Variants in EDF1 observed in about 807,000 individuals in gnomAD.
The protein encoded by EDF1 is endothelial differentiation-related factor 1.
In EDF1, 5 loss-of-function variants were observed where a neutral mutation model predicts 20.8. That is an observed-to-expected ratio of 0.24 (90% CI 0.13 to 0.51). EDF1 has a LOEUF of 0.51. EDF1 is among the 20% of genes least tolerant of loss of function. The pLI, the probability that EDF1 is intolerant of heterozygous loss-of-function variation, is 0.97. For missense variants in EDF1, 137 were observed against 197.8 expected (o/e 0.69, Z 1.84); for synonymous variants, 96 against 78.5 (o/e 1.22, Z -1.18).
chr9:136,863,112 C>G lies in EDF1; in HGVS notation c.292-113G>C, dbSNP rs1849140995. ...CTAGGGCCCCTGGGGTACGCACCCA[C>G]ACGCAGCTGGGTTTTGTGCGAGAGG... On this transcript the variant is annotated intron_variant, in intron 3 of 4. Coordinates refer to ENST00000224073, the MANE Select transcript of EDF1 (RefSeq NM_003792.4). This position sits in a 1 kb window ranked among gnomAD's most constrained non-coding sequence, Gnocchi z 4.5. The G allele has an allele frequency of 1.3e-6, 2 of 1,523,810 alleles. No individual in the cohort carries two copies. Among genetic ancestry groups the G allele is most frequent in the African/African-American group, 2.7e-5 (2 of 73,052 alleles). The allele number at this position is 1,523,810 out of a possible 1,614,324, so 94.4% of individuals were successfully genotyped here. A position where few individuals can be genotyped will look rare whatever the true frequency, so the allele number is the denominator to read the frequency against.
At chr9:136,864,272 AT>A (rs530718830) in intron 1 of EDF1, among the ~76,000 whole-genome samples, 2,392 of 134,842 alleles carry the variant, frequency 0.018, 29 homozygotes, top group African/African-American at 0.04. Context: ...CACACTAGGG[AT>A]TTTTTTTTTT....
In EDF1 at chr9:136,866,272, G is replaced by T. The variant is rs370306947; in HGVS notation, c.-14C>A. The T allele has an allele frequency of 5.6e-6, 9 of 1,593,426 alleles. 1 individual carries two copies. In the South Asian group the frequency reaches 7.9e-5, roughly 14 times the overall value. ...GCTCTCGGCCATGGCGGGCGAAGAC[G>T]AGCGTCCGTCCGGCGGCTCAGCGGC... On this transcript the variant is annotated 5_prime_UTR_variant, in exon 1 of 5. Transcript: ENST00000224073.
In EDF1 at chr9:136,862,464, C is replaced by T. The variant is rs758460468; in HGVS notation, c.386-119G>A. The T allele has an allele frequency of 6.2e-7, 1 of 1,613,292 alleles. No homozygotes were observed. Among genetic ancestry groups the T allele is most frequent in the East Asian group, 2.2e-5 (1 of 44,872 alleles). On this transcript the variant is annotated intron_variant, in intron 4 of 4. Coordinates refer to ENST00000224073, the MANE Select transcript of EDF1 (RefSeq NM_003792.4). The surrounding 1 kb of genome is among the most constrained non-coding windows in gnomAD (Gnocchi z 4.1). ...CACGCCGCTCCCGTGCCTCACTGGG[C>T]TCTCAGCACACGAGCACTCCTGGTT...
In EDF1 at chr9:136,863,235, T is replaced by A. The variant is rs1209851812; in HGVS notation, c.291+53A>T. ...CCCCGTGCTATCTGAACACCGGCCA[T>A]CCCCCTCCCCAAACCCACAACCCCA... On this transcript the variant is annotated intron_variant, in intron 3 of 4. Transcript: ENST00000224073. The surrounding 1 kb of genome is among the most constrained non-coding windows in gnomAD (Gnocchi z 4.5). The A allele has an allele frequency of 3.5e-5, 55 of 1,581,350 alleles. No individual in the cohort carries two copies. The highest frequency in any genetic ancestry group is 4.4e-5 in the Non-Finnish European group (51 of 1,164,376).
rs540803782 is a variant in EDF1 at position 136,862,204 on chromosome 9, G to A, written c.*80C>T. ...CTGGACCCCTTGTTCCGTTCGGCCC[G>A]TGAGGAGAACGGAACTGGCGGCCAA... On this transcript the variant is annotated 3_prime_UTR_variant, in exon 5 of 5. Transcript: ENST00000224073. This position sits in a 1 kb window ranked among gnomAD's most constrained non-coding sequence, Gnocchi z 4.1. 5.2e-4 allele frequency: 819 copies of A among 1,578,628 alleles called. 3 individuals are homozygous for A. Among genetic ancestry groups the A allele is most frequent in the African/African-American group, 9.6e-4 (71 of 74,310 alleles).
chr9:136,863,841 C>T lies in EDF1; in HGVS notation c.109G>A (p.Asp37Asn). The change falls in exon 2 of 5, where the codon GAT (aspartate) becomes AAT (asparagine). Residue 37 changes from aspartate (D) to asparagine (N), a missense_variant. Transcript: ENST00000224073. This position sits in a 1 kb window ranked among gnomAD's most constrained non-coding sequence, Gnocchi z 4.5. ...AILAAQRRGE[D>N]VETSKKWAAG... ...CTACATTTCTTGGAAGTCTCCACATCTTCTCCTCGTCTCTGTGCCGCTAAG... is the reference window on the plus strand; with the variant it reads ...CTACATTTCTTGGAAGTCTCCACATTTTCTCCTCGTCTCTGTGCCGCTAAG... 6.2e-7 allele frequency: 1 copy of T among 1,613,972 alleles called. No homozygotes were observed. The highest frequency in any genetic ancestry group is 8.5e-7 in the Non-Finnish European group (1 of 1,180,004).
Position 136,863,208 on chromosome 9 carries a change from C to T in EDF1, c.291+80G>A. ...GGGAACCAGGGGGGTGGAGCCCACCCTCCCCGTGCTATCTGAACACCGGCC... is the reference window on the plus strand; with the variant it reads ...GGGAACCAGGGGGGTGGAGCCCACCTTCCCCGTGCTATCTGAACACCGGCC... On this transcript the variant is annotated intron_variant, in intron 3 of 4. Transcript: ENST00000224073. This position sits in a 1 kb window ranked among gnomAD's most constrained non-coding sequence, Gnocchi z 4.5. 2.6e-6 allele frequency: 4 copies of T among 1,561,532 alleles called. No individual in the cohort carries two copies. The highest frequency in any genetic ancestry group is 3.5e-6 in the Non-Finnish European group (4 of 1,155,716).
intron 1 of EDF1, among the ~76,000 whole-genome samples, chr9:136,865,268 C>T (rs1360166103): frequency 1.3e-5 from 2 of 152,150 alleles, no homozygotes; most frequent in African/African-American, 2.4e-5. Flanking sequence ...CATTGGTAAT[C>T]TCCTTCCACA....
Position 136,866,251 on chromosome 9 carries a change from T to C in EDF1, c.8A>G (p.Glu3Gly). Residue 3 changes from glutamate (E) to glycine (G), a missense_variant, in exon 1 of 5, where the codon GAG (glutamate) becomes GGG (glycine). Coordinates refer to ENST00000224073, the MANE Select transcript of EDF1 (RefSeq NM_003792.4). The stretch of plus-strand genomic sequence containing the variant: ...CACCGTCACCGTGTCCCAGTCGCTC[T>C]CGGCCATGGCGGGCGAAGACGAGCG... Reference protein sequence around the residue: MAESDWDTVTVLR... With the variant: MAGSDWDTVTVLR... 2 of 1,598,858 alleles carry C rather than the reference T, an allele frequency of 1.3e-6. No homozygotes were observed. Among genetic ancestry groups the C allele is most frequent in the Non-Finnish European group, 1.7e-6 (2 of 1,174,910 alleles).
intron 1 of EDF1, among the ~76,000 whole-genome samples, chr9:136,865,245 G>T (rs1849191995): frequency 6.6e-6 from 1 of 152,080 alleles, no homozygotes; most frequent in Non-Finnish European, 1.5e-5. Flanking sequence ...CTGACCCTCG[G>T]ATCCATCAGC....
In EDF1 at chr9:136,862,843, C is replaced by G; in HGVS notation, c.385+63G>C. ...TCCCCCGAGTCCCACTCTCACCAAC[C>G]CCAGCTGGGAGCGGGTAGCCTCCCT... is the stretch of plus-strand genomic sequence containing the variant. On this transcript the variant is annotated intron_variant, in intron 4 of 4. Coordinates refer to ENST00000224073, the MANE Select transcript of EDF1 (RefSeq NM_003792.4). The surrounding 1 kb of genome is among the most constrained non-coding windows in gnomAD (Gnocchi z 4.1). The G allele has an allele frequency of 6.2e-7, 1 of 1,611,792 alleles. No homozygotes were observed. The highest frequency in any genetic ancestry group is 8.5e-7 in the Non-Finnish European group (1 of 1,179,914).
Position 136,863,293 on chromosome 9 carries a change from C to T in EDF1, c.286G>A (p.Ala96Thr). The change falls in exon 3 of 5, where the codon GCC (alanine) becomes ACC (threonine). Residue 96 changes from alanine (A) to threonine (T), a missense_variant. Physicochemically the swap from Ala to Thr is moderately conservative, Grantham distance 58. Coordinates refer to ENST00000224073, the MANE Select transcript of EDF1 (RefSeq NM_003792.4). This position sits in a 1 kb window ranked among gnomAD's most constrained non-coding sequence, Gnocchi z 4.5. Reference sequence around the variant, plus strand: ...GAGCCCCGGCGCAGCCTCACCGTGGCCAGGTCCTTCTGCGTAAGCCCCTTG... The same window carrying T: ...GAGCCCCGGCGCAGCCTCACCGTGGTCAGGTCCTTCTGCGTAAGCCCCTTG... ...QSKGLTQKDL[A>T]TKINEKPQVI... is the part of the protein sequence containing the mutation. 6.2e-7 allele frequency: 1 copy of T among 1,612,658 alleles called. No homozygotes were observed. The highest frequency in any genetic ancestry group is 8.5e-7 in the Non-Finnish European group (1 of 1,179,742).
At chr9:136,866,061 G>C (rs1455966589) in intron 1 of EDF1, 120 bp downstream of exon 1, 3 of 520,900 alleles carry the variant, frequency 5.8e-6, no homozygotes, top group Non-Finnish European at 2.4e-6. Flanking sequence ...CCTTGTCCCC[G>C]TCCCCTGCGC....
Position 136,862,205 on chromosome 9 carries a change from TGAG to T in EDF1, c.*76_*78del. On this transcript the variant is annotated 3_prime_UTR_variant, in exon 5 of 5. Coordinates refer to ENST00000224073, the MANE Select transcript of EDF1 (RefSeq NM_003792.4). This position sits in a 1 kb window ranked among gnomAD's most constrained non-coding sequence, Gnocchi z 4.1. ...TGGACCCCTTGTTCCGTTCGGCCCG[TGAG>T]GAGAACGGAACTGGCGGCCAAGGGG... 9 of 1,578,096 alleles carry T rather than the reference TGAG, an allele frequency of 5.7e-6. No homozygotes were observed. The highest frequency in any genetic ancestry group is 2.2e-5 in the South Asian group (2 of 90,322).
Position 136,863,194 on chromosome 9 carries a change from G to A in EDF1, c.291+94C>T, listed in dbSNP as rs964793155. The stretch of plus-strand genomic sequence containing the variant: ...GGCATTCCCTGCAGGGGAACCAGGG[G>A]GGTGGAGCCCACCCTCCCCGTGCTA... On this transcript the variant is annotated intron_variant, in intron 3 of 4. Coordinates refer to ENST00000224073, the MANE Select transcript of EDF1 (RefSeq NM_003792.4). The surrounding 1 kb of genome is among the most constrained non-coding windows in gnomAD (Gnocchi z 4.5). 296 of 1,550,122 alleles carry A rather than the reference G, an allele frequency of 1.9e-4. No homozygotes were observed. The highest frequency in any genetic ancestry group is 2.2e-4 in the Non-Finnish European group (250 of 1,148,242).
Position 136,863,364 on chromosome 9 carries a change from C to T in EDF1, c.215G>A (p.Arg72Lys). Residue 72 changes from arginine (R) to lysine (K), a missense_variant, in exon 3 of 5, where the codon AGG (arginine) becomes AAG (lysine). Physicochemically the swap from Arg to Lys is conservative, Grantham distance 26 (BLOSUM62 2). Coordinates refer to ENST00000224073, the MANE Select transcript of EDF1 (RefSeq NM_003792.4). The surrounding 1 kb of genome is among the most constrained non-coding windows in gnomAD (Gnocchi z 4.5). The stretch of plus-strand genomic sequence containing the variant: ...CACCTTGCCCACCTCCAGGGTCACC[C>T]TGTCATGGTGCAGCTCCTCTGTCTC... ...DRETEELHHD[R>K]VTLEVGKVIQ... The T allele has an allele frequency of 6.2e-7, 1 of 1,614,154 alleles. No homozygotes were observed. The highest frequency in any genetic ancestry group is 8.5e-7 in the Non-Finnish European group (1 of 1,180,030).
chr9:136,863,180 C>G lies in EDF1; in HGVS notation c.291+108G>C. On this transcript the variant is annotated intron_variant, in intron 3 of 4. Coordinates refer to ENST00000224073, the MANE Select transcript of EDF1 (RefSeq NM_003792.4). The surrounding 1 kb of genome is among the most constrained non-coding windows in gnomAD (Gnocchi z 4.5). ...ACCTGGCTTCCCGAGGCATTCCCTG[C>G]AGGGGAACCAGGGGGGTGGAGCCCA... 3 of 1,537,898 alleles carry G rather than the reference C, an allele frequency of 2.0e-6. No individual in the cohort carries two copies. Among genetic ancestry groups the G allele is most frequent in the Non-Finnish European group, 2.6e-6 (3 of 1,139,214 alleles).
intron 1 of EDF1, among the ~76,000 whole-genome samples, chr9:136,865,219 T>C (rs1320444451): frequency 6.6e-6 from 1 of 152,064 alleles, no homozygotes; most frequent in African/African-American, 2.4e-5. Flanking sequence ...TCCTCCCTAT[T>C]ACATCAGACT....
chr9:136,862,220 T>TGGCGGCCAAGGGGAACC lies in EDF1; in HGVS notation c.*47_*63dup. Reference sequence around the variant, plus strand: ...GTTCGGCCCGTGAGGAGAACGGAACTGGCGGCCAAGGGGAACCGGCGGAAC... The same window carrying TGGCGGCCAAGGGGAACC: ...GTTCGGCCCGTGAGGAGAACGGAACTGGCGGCCAAGGGGAACCGGCGGCCAAGGGGAACCGGCGGAAC... On this transcript the variant is annotated 3_prime_UTR_variant, in exon 5 of 5. Coordinates refer to ENST00000224073, the MANE Select transcript of EDF1 (RefSeq NM_003792.4). The surrounding 1 kb of genome is among the most constrained non-coding windows in gnomAD (Gnocchi z 4.1). 3.1e-6 allele frequency: 5 copies of TGGCGGCCAAGGGGAACC among 1,605,968 alleles called. No individual in the cohort carries two copies. Among genetic ancestry groups the TGGCGGCCAAGGGGAACC allele is most frequent in the East Asian group, 2.2e-5 (1 of 44,754 alleles).
Sources: gnomAD v4.1 joint callset for allele counts (sites outside exome capture counted in the v4.1 genomes callset) on GRCh38, gnomAD v4.1.1 for gene constraint, Gnocchi (gnomAD v3.1) non-coding constraint, MANE v1.5 for transcripts, NCBI Gene and HGNC (gene_info 2026-07-23, HGNC 2026-07-21) for gene names.